The following PHKA1 variants were observed in gnomAD, a reference collection of about 807,000 sequenced individuals.
PHKA1 encodes the protein phosphorylase b kinase regulatory subunit alpha, skeletal muscle isoform.
PHKA1 carries 60 observed loss-of-function variants against 110.2 expected under a neutral mutation model. The ratio of observed to expected loss-of-function variants is 0.54; its 90% CI spans 0.44 to 0.68. The LOEUF (loss-of-function observed/expected upper bound fraction) is 0.68. PHKA1 is among the 30% of genes least tolerant of loss of function. The probability of loss-of-function intolerance (pLI) is 0.00; values close to 1 mark genes in which losing one functional copy is unlikely to be tolerated. For missense variants in PHKA1, 801 were observed against 942.5 expected (o/e 0.85, Z 1.97); for synonymous variants, 316 against 333.6 (o/e 0.95, Z 0.58).
intron 2 of PHKA1, among the ~76,000 whole-genome samples, chrX:72,710,852 A>C (rs191139565): frequency 3.1e-4 from 27 of 86,661 alleles, no homozygotes; most frequent in Non-Finnish European, 2.3e-4. Flanking sequence ...TTTTTTTTTT[A>C]TTTTTATTTT....
chrX:72,620,574 T>G, intron 19 of PHKA1, 151 bp downstream of exon 19: 1 of 462,624 alleles, frequency 2.2e-6, no homozygotes, highest in Non-Finnish European at 3.8e-6. Flanking sequence ...AATATTTGAG[T>G]GTCTAATATG....
intron 1 of PHKA1, 26 bp from the exon 2 acceptor site, chrX:72,712,963 G>C (rs1449754980): frequency 2.2e-5 from 27 of 1,204,314 alleles, no homozygotes; most frequent in Non-Finnish European, 3.0e-5. Flanking sequence ...AAAGAGGGCA[G>C]GAAGGTAACC....
chrX:72,580,685 T>C lies in PHKA1; in HGVS notation c.*317A>G, dbSNP rs1306298168. On this transcript the variant is annotated 3_prime_UTR_variant, in exon 32 of 32. Coordinates refer to ENST00000373542, the MANE Select transcript of PHKA1 (RefSeq NM_002637.4). ...CCAAACAGGAGTTAGAAAACTATAT[T>C]GGTAACAGATCTAGAGAATAAAAAC... 1 of 316,763 alleles carries C rather than the reference T, an allele frequency of 3.2e-6. No homozygotes were observed. The highest frequency in any genetic ancestry group is 5.5e-6 in the Non-Finnish European group (1 of 180,353). The allele number at this position is 316,763 out of a possible 1,213,427, so 26.1% of individuals were successfully genotyped here. A position where few individuals can be genotyped will look rare whatever the true frequency, so the allele number is the denominator to read the frequency against.
chrX:72,695,898 AAAG>A (rs2054102090), intron 3 of PHKA1, 22 bp from the exon 4 acceptor site: 3 of 1,167,018 alleles, frequency 2.6e-6, no homozygotes, highest in Non-Finnish European at 3.5e-6. Flanking sequence ...AAAAACATTA[AAAG>A]AAGGATATAC....
intron 6 of PHKA1, among the ~76,000 whole-genome samples, chrX:72,669,049 G>A (rs1428194033): frequency 1.2e-4 from 13 of 112,523 alleles, no homozygotes; most frequent in African/African-American, 3.2e-4. Flanking sequence ...GACTCTGCGC[G>A]CAGGTTGGGA....
chrX:72,615,751 GGGGA>G (rs2052885845), intron 21 of PHKA1, among the ~76,000 whole-genome samples: 1 of 44,727 alleles, frequency 2.2e-5, no homozygotes, highest in Non-Finnish European at 3.5e-5. Flanking sequence ...AGAAGGAGGG[GGGGA>G]AGGAAGGAAG....
Position 72,584,321 on chromosome X carries a change from A to G in PHKA1, c.3244-19T>C, listed in dbSNP as rs369668454. 4.2e-6 allele frequency: 5 copies of G among 1,190,519 alleles called. No individual in the cohort carries two copies. In the African/African-American group the frequency reaches 8.8e-5, roughly 21 times the overall value. ...CGTGACACTGCAAAACAGAAAAAAA[A>G]CCATATCACCAAAAACCATATCACC... On this transcript the variant is annotated intron_variant, in intron 29 of 31. Transcript: ENST00000373542.
intron 6 of PHKA1, among the ~76,000 whole-genome samples, chrX:72,669,214 G>A (rs2053649284): frequency 9.0e-6 from 1 of 110,878 alleles, no homozygotes; most frequent in South Asian, 3.9e-4. Flanking sequence ...TCCCAGTGGT[G>A]GTCCTGCCCT....
chrX:72,634,641 G>A (rs782023921), intron 16 of PHKA1, among the ~76,000 whole-genome samples: 20 of 109,892 alleles, frequency 1.8e-4, no homozygotes, highest in South Asian at 1.2e-3. Context: ...TACAGCTTCC[G>A]TTAGGCTTTG....
intron 29 of PHKA1, among the ~76,000 whole-genome samples, chrX:72,585,467 A>G (rs1695958290): frequency 8.9e-6 from 1 of 112,233 alleles, no homozygotes; most frequent in African/African-American, 3.2e-5. Context: ...AGATGGCCAA[A>G]TAGGAACAGC....
At chrX:72,628,174 T>G (rs2053112362) in intron 16 of PHKA1, among the ~76,000 whole-genome samples, 1 of 110,814 alleles carries the variant, frequency 9.0e-6, no homozygotes, top group South Asian at 3.8e-4. Flanking sequence ...TTTAAATTTT[T>G]CTTAATCTGA....
intron 19 of PHKA1, among the ~76,000 whole-genome samples, chrX:72,619,795 A>T (rs1291514451): frequency 8.9e-6 from 1 of 111,889 alleles, no homozygotes; most frequent in African/African-American, 3.2e-5. Context: ...CTTACAGTTC[A>T]TTGTTGAAAT....
intron 3 of PHKA1, among the ~76,000 whole-genome samples, chrX:72,699,507 CAA>C (rs1171276586): frequency 7.7e-4 from 13 of 16,938 alleles, no homozygotes; most frequent in African/African-American, 2.1e-3. Flanking sequence ...GACTCCATCT[CAA>C]AAAAAAAAAA....
intron 14 of PHKA1, among the ~76,000 whole-genome samples, chrX:72,639,665 T>A (rs1287086978): frequency 2.7e-5 from 3 of 112,328 alleles, no homozygotes; most frequent in Non-Finnish European, 5.6e-5. Context: ...CCAGGAGTGC[T>A]GAGAGTGTCC....
chrX:72,688,777 C>T (rs1423635388), intron 4 of PHKA1, among the ~76,000 whole-genome samples: 1 of 112,541 alleles, frequency 8.9e-6, no homozygotes, highest in Non-Finnish European at 1.9e-5. Context: ...TCTGCATCTT[C>T]TAAAATTATC....
At chrX:72,627,812 T>G (rs1046403554) in intron 16 of PHKA1, among the ~76,000 whole-genome samples, 68 of 65,707 alleles carry the variant, frequency 1.0e-3, no homozygotes, top group Admixed American at 8.6e-4. Context: ...TTTCCTACAC[T>G]TTTTTTTTTT....
At chrX:72,622,075 T>C in intron 18 of PHKA1, 1 of 740,818 alleles carries the variant, frequency 1.3e-6, no homozygotes, top group Non-Finnish European at 1.6e-6. Context: ...TCATGACTTT[T>C]GTTATTACTG....
chrX:72,626,764 GTCTC>G (rs781862402), intron 17 of PHKA1, among the ~76,000 whole-genome samples: 200 of 111,536 alleles, frequency 1.8e-3, no homozygotes, highest in African/African-American at 6.2e-3. Context: ...TGTGAACGTA[GTCTC>G]TCTCTCTGTC....
In PHKA1 at chrX:72,636,518, C is replaced by A. The variant is rs143555004; in HGVS notation, c.1460-132G>T. 4.2e-3 allele frequency: 2,024 copies of A among 477,819 alleles called. 27 individuals carry two copies. In the African/African-American group the frequency reaches 0.042, roughly 10 times the overall value. The allele number at this position is 477,819 out of a possible 1,213,427, so 39.4% of individuals were successfully genotyped here. The stretch of plus-strand genomic sequence containing the variant: ...ACATATAGACACACACACACATCCA[C>A]TGTATTTCCTTGAATTTAAATTGTC... On this transcript the variant is annotated intron_variant, in intron 14 of 31. Transcript: ENST00000373542.
Sources: allele counts gnomAD v4.1 joint callset (sites outside exome capture counted in the v4.1 genomes callset), GRCh38; gene constraint gnomAD v4.1.1; transcripts MANE v1.5; gene names NCBI Gene and HGNC (gene_info 2026-07-23, HGNC 2026-07-21).